The following RIT2 variants were observed in gnomAD, a reference collection of about 807,000 sequenced individuals.
The protein encoded by RIT2 is GTP-binding protein Rit2.
A neutral mutation model predicts 23.7 loss-of-function variants in RIT2; 24 were observed. The ratio of observed to expected loss-of-function variants is 1.01; its 90% CI spans 0.73 to 1.43. The LOEUF is 1.43. Among genes scored for constraint, RIT2 ranks in the 40% most tolerant of loss-of-function variants. The probability of loss-of-function intolerance (pLI) is 0.00; values close to 1 mark genes in which losing one functional copy is unlikely to be tolerated. For synonymous variants in RIT2, 107 were observed against 91.1 expected (o/e 1.17, Z -0.99); for missense variants, 236 against 266.9 (o/e 0.88, Z 0.81).
At chr18:42,954,887 G>A (rs1909936497) in intron 3 of RIT2, among the ~76,000 whole-genome samples, 1 of 151,912 alleles carries the variant, frequency 6.6e-6, no homozygotes, top group African/African-American at 2.4e-5. Context: ...TTCCTTCTCT[G>A]CATAACAGAC....
chr18:42,746,207 C>A (rs1912913128), intron 4 of RIT2, among the ~76,000 whole-genome samples: 1 of 152,012 alleles, frequency 6.6e-6, no homozygotes, highest in Admixed American at 6.6e-5. Flanking sequence ...ATGGAGAAAC[C>A]TAAAGTCAAT....
chr18:43,052,995 A>G (rs530274437), intron 1 of RIT2, among the ~76,000 whole-genome samples: 9 of 152,156 alleles, frequency 5.9e-5, no homozygotes, highest in Admixed American at 5.9e-4. Flanking sequence ...GAGAGGTTTG[A>G]AAACTTACCA....
At chr18:43,070,200 A>C (rs1912866289) in intron 1 of RIT2, among the ~76,000 whole-genome samples, 1 of 152,170 alleles carries the variant, frequency 6.6e-6, no homozygotes, top group African/African-American at 2.4e-5. Flanking sequence ...TATTTAAGGA[A>C]GCATATCACC....
At chr18:42,829,290 G>A (rs555040536) in intron 4 of RIT2, among the ~76,000 whole-genome samples, 1 of 152,184 alleles carries the variant, frequency 6.6e-6, no homozygotes, top group Admixed American at 6.5e-5. Context: ...TTTCAAACAT[G>A]ATTTTTAGAT....
intron 4 of RIT2, among the ~76,000 whole-genome samples, chr18:42,852,950 C>T (rs1213830469): frequency 6.6e-6 from 1 of 152,054 alleles, no homozygotes. Flanking sequence ...TCTCCTGCCT[C>T]GGCCTCCCAA....
At position 42,842,428 on chromosome 18, in the gene RIT2, A is replaced by G. The variant is rs144389104; in HGVS notation, c.426+81144T>C. Among the ~76,000 whole-genome samples, 1,376 of 152,288 alleles carry G rather than the reference A, an allele frequency of 9.0e-3. 25 individuals carry two copies. Among genetic ancestry groups the G allele is most frequent in the African/African-American group, 0.032 (1,312 of 41,562 alleles). On this transcript the variant is annotated intron_variant, in intron 4 of 4. Coordinates refer to ENST00000326695, the MANE Select transcript of RIT2 (RefSeq NM_002930.4). The stretch of plus-strand genomic sequence containing the variant: ...GTAAAATATTTTATTTCCCCAAACT[A>G]TCATTTTATTGAATATAATAAGTAT...
intron 4 of RIT2, among the ~76,000 whole-genome samples, chr18:42,866,814 C>T (rs892545853): frequency 1.3e-5 from 2 of 152,014 alleles, no homozygotes; most frequent in Non-Finnish European, 2.9e-5. Flanking sequence ...TTAAATGGCT[C>T]TTTTTTGTAT....
intron 1 of RIT2, among the ~76,000 whole-genome samples, chr18:43,114,835 C>A (rs1914032068): frequency 6.6e-6 from 1 of 152,118 alleles, no homozygotes; most frequent in South Asian, 2.1e-4. Context: ...TTAGTTTGAT[C>A]ACCCTGCACA....
At chr18:42,778,314 T>G (rs1207258937) in intron 4 of RIT2, among the ~76,000 whole-genome samples, 1 of 152,184 alleles carries the variant, frequency 6.6e-6, no homozygotes, top group Non-Finnish European at 1.5e-5. Context: ...TTTCCATCAA[T>G]TAAGAAAACA....
intron 4 of RIT2, among the ~76,000 whole-genome samples, chr18:42,796,651 A>G (rs967193565): frequency 6.6e-6 from 1 of 152,166 alleles, no homozygotes; most frequent in African/African-American, 2.4e-5. Context: ...TCTTGGCTAT[A>G]TATTTCTACC....
At chr18:42,904,128 C>T (rs1908550611) in intron 4 of RIT2, among the ~76,000 whole-genome samples, 1 of 151,814 alleles carries the variant, frequency 6.6e-6, no homozygotes, top group South Asian at 2.1e-4. Context: ...TATGACAGTG[C>T]CAATTAATAT....
chr18:42,923,485 C>T, intron 4 of RIT2, 87 bp downstream of exon 4: 1 of 1,063,232 alleles, frequency 9.4e-7, no homozygotes, highest in Non-Finnish European at 1.4e-6. Context: ...TCATAATTTT[C>T]AGTGTGAACC....
chr18:42,855,929 C>G (rs187687857), intron 4 of RIT2, among the ~76,000 whole-genome samples: 4 of 152,200 alleles, frequency 2.6e-5, no homozygotes, highest in Non-Finnish European at 5.9e-5. Flanking sequence ...GGCACTATGT[C>G]TGTTCTGTCT....
chr18:42,772,504 TC>T, intron 4 of RIT2, among the ~76,000 whole-genome samples: 1 of 152,016 alleles, frequency 6.6e-6, no homozygotes, highest in Non-Finnish European at 1.5e-5. Flanking sequence ...AGTATAGGAA[TC>T]CTGGTTTTTA....
At chr18:43,013,447 A>G (rs893415204) in intron 2 of RIT2, among the ~76,000 whole-genome samples, 2 of 151,800 alleles carry the variant, frequency 1.3e-5, no homozygotes, top group Non-Finnish European at 2.9e-5. Flanking sequence ...CAGTGGGGAG[A>G]ATGTTGAACT....
At chr18:42,912,898 A>G (rs1227431039) in intron 4 of RIT2, among the ~76,000 whole-genome samples, 1 of 151,966 alleles carries the variant, frequency 6.6e-6, no homozygotes, top group Non-Finnish European at 1.5e-5. Context: ...TTCTTTGTAA[A>G]CATAAAATTA....
At chr18:43,036,178 T>C (rs1369692403) in intron 1 of RIT2, among the ~76,000 whole-genome samples, 2 of 152,208 alleles carry the variant, frequency 1.3e-5, no homozygotes, top group African/African-American at 2.4e-5. Context: ...GATATTAGAC[T>C]TGAGAAACAT....
At chr18:42,792,429 G>T (rs1229105030) in intron 4 of RIT2, among the ~76,000 whole-genome samples, 1 of 152,046 alleles carries the variant, frequency 6.6e-6, no homozygotes, top group Non-Finnish European at 1.5e-5. Flanking sequence ...ATGTAACTAG[G>T]CTCAACTCAC....
At chr18:43,079,953 C>T (rs1463406768) in intron 1 of RIT2, among the ~76,000 whole-genome samples, 8 of 152,200 alleles carry the variant, frequency 5.3e-5, no homozygotes, top group Admixed American at 5.2e-4. Flanking sequence ...AAATCTTACT[C>T]ATTACATGTG....
Sources: allele counts gnomAD v4.1 joint callset (sites outside exome capture counted in the v4.1 genomes callset), GRCh38; gene constraint gnomAD v4.1.1; transcripts MANE v1.5; gene names NCBI Gene and HGNC (gene_info 2026-07-23, HGNC 2026-07-21).